Variants in RNF152 observed in about 807,000 individuals in gnomAD.
RNF152 encodes ring finger protein 152.
RNF152 carries 11 observed loss-of-function variants against 12.7 expected under a neutral mutation model. The ratio of observed to expected loss-of-function variants is 0.86; its 90% CI spans 0.54 to 1.43. RNF152 has a LOEUF of 1.43. RNF152 is among the 40% of genes most tolerant of loss of function. The probability of loss-of-function intolerance (pLI) is 0.00; values close to 1 mark genes in which losing one functional copy is unlikely to be tolerated. For synonymous variants in RNF152, 113 were observed against 120.3 expected (o/e 0.94, Z 0.40); for missense variants, 255 against 274.8 (o/e 0.93, Z 0.51).
intron 1 of RNF152, among the ~76,000 whole-genome samples, chr18:61,871,921 T>C (rs1200031753): frequency 6.6e-6 from 1 of 152,146 alleles, no homozygotes; most frequent in Non-Finnish European, 1.5e-5. Flanking sequence ...AAGGATCCTA[T>C]ATTAAGGGCA....
In RNF152 at chr18:61,872,610, C is replaced by T. The variant is rs191219117; in HGVS notation, c.-136+20185G>A. On this transcript the variant is annotated intron_variant, in intron 1 of 1. Coordinates refer to ENST00000312828, the MANE Select transcript of RNF152 (RefSeq NM_173557.3). ...ACCCAAAGTTAGGCCTCTTTCCCTTCTGGTTTGCCCTACATTTGAAAAGCA... is the reference window on the plus strand; with the variant it reads ...ACCCAAAGTTAGGCCTCTTTCCCTTTTGGTTTGCCCTACATTTGAAAAGCA... 2.0e-5 allele frequency among the ~76,000 whole-genome samples: 3 copies of T among 152,308 alleles called. No homozygotes were observed. The East Asian group carries it at 5.8e-4, about 29-fold the overall frequency.
intron 1 of RNF152, among the ~76,000 whole-genome samples, chr18:61,844,122 GAA>G (rs764619700): frequency 8.8e-6 from 1 of 113,630 alleles, no homozygotes; most frequent in Admixed American, 9.2e-5. Context: ...AAGAAAGAAA[GAA>G]AGAAAGAAAG....
intron 1 of RNF152, among the ~76,000 whole-genome samples, chr18:61,846,971 G>A (rs1278091125): frequency 6.6e-6 from 1 of 152,118 alleles, no homozygotes; most frequent in Non-Finnish European, 1.5e-5. Flanking sequence ...TTCTTCATGT[G>A]TAACTCAGGG....
intron 1 of RNF152, among the ~76,000 whole-genome samples, chr18:61,844,077 G>GGAAAGAAAGAAAGAAA (rs35978592): frequency 3.1e-4 from 21 of 68,500 alleles, no homozygotes; most frequent in Admixed American, 6.8e-4. Flanking sequence ...CAGAAAGAAA[G>GGAAAGAAAGAAAGAAA]GAAAGAAAGA....
At chr18:61,854,735 G>C (rs145993270) in intron 1 of RNF152, among the ~76,000 whole-genome samples, 6 of 152,292 alleles carry the variant, frequency 3.9e-5, no homozygotes, top group Non-Finnish European at 8.8e-5. Context: ...GCACATCAGG[G>C]AGAAAAGAAC....
At chr18:61,863,922 G>A (rs1268816660) in intron 1 of RNF152, among the ~76,000 whole-genome samples, 2 of 152,186 alleles carry the variant, frequency 1.3e-5, no homozygotes, top group African/African-American at 4.8e-5. Context: ...GTGAGCTCCC[G>A]CTCTAATCGG....
Position 61,813,186 on chromosome 18 carries a change from C to G in RNF152, c.*2666G>C, listed in dbSNP as rs543109828. On this transcript the variant is annotated 3_prime_UTR_variant, in exon 2 of 2. Coordinates refer to ENST00000312828, the MANE Select transcript of RNF152 (RefSeq NM_173557.3). ...GGTCATTGGTAAATGCCAGAAGAGG[C>G]CAGAGCAATGGGATGCCAAGCAACA... 1 of 151,770 alleles carries G rather than the reference C, an allele frequency of 6.6e-6. No homozygotes were observed. The highest frequency in any genetic ancestry group is 6.6e-5 in the Admixed American group (1 of 15,186). The allele number at this position is 151,770 out of a possible 1,614,324, so 9.4% of individuals were successfully genotyped here.
intron 1 of RNF152, among the ~76,000 whole-genome samples, chr18:61,831,946 G>A (rs1909973714): frequency 6.6e-6 from 1 of 151,636 alleles, no homozygotes; most frequent in South Asian, 2.1e-4. Context: ...TGTGTATAGG[G>A]GTGTGTGTCT....
chr18:61,860,161 A>G (rs1911401842), intron 1 of RNF152, among the ~76,000 whole-genome samples: 2 of 152,112 alleles, frequency 1.3e-5, no homozygotes, highest in African/African-American at 4.8e-5. Context: ...GGTTCTCCCC[A>G]TGGGTCTCAG....
In RNF152 at chr18:61,815,619, T is replaced by A. The variant is rs531628746; in HGVS notation, c.*233A>T. On this transcript the variant is annotated 3_prime_UTR_variant, in exon 2 of 2. Coordinates refer to ENST00000312828, the MANE Select transcript of RNF152 (RefSeq NM_173557.3). Reference sequence around the variant, plus strand: ...TTGAATACATGATTATGAGGATGCATGCAATCATCTTCCAAGCTGTTGCCA... The same window carrying A: ...TTGAATACATGATTATGAGGATGCAAGCAATCATCTTCCAAGCTGTTGCCA... 1.9e-6 allele frequency: 1 copy of A among 534,768 alleles called. No homozygotes were observed. The highest frequency in any genetic ancestry group is 3.1e-5 in the East Asian group (1 of 32,712). The allele number at this position is 534,768 out of a possible 1,614,324, so 33.1% of individuals were successfully genotyped here.
At position 61,812,460 on chromosome 18, in the gene RNF152, A is replaced by G. The variant is rs1433480958; in HGVS notation, c.*3392T>C. On this transcript the variant is annotated 3_prime_UTR_variant, in exon 2 of 2. Coordinates refer to ENST00000312828, the MANE Select transcript of RNF152 (RefSeq NM_173557.3). ...ATTCTATTTTTAAAGAAAACATCTT[A>G]GAGCTTTCTGATCATTAAGTATGAC... 6.6e-6 allele frequency: 1 copy of G among 152,226 alleles called. No homozygotes were observed. The highest frequency in any genetic ancestry group is 1.5e-5 in the Non-Finnish European group (1 of 68,032). The allele number at this position is 152,226 out of a possible 1,614,324, so 9.4% of individuals were successfully genotyped here.
intron 1 of RNF152, among the ~76,000 whole-genome samples, chr18:61,845,216 A>G (rs1406983059): frequency 2.0e-5 from 3 of 152,230 alleles, no homozygotes; most frequent in Admixed American, 1.3e-4. Context: ...CTCCCAAAGC[A>G]ATGGGATAAT....
intron 1 of RNF152, among the ~76,000 whole-genome samples, chr18:61,877,291 G>C (rs1912256257): frequency 6.6e-6 from 1 of 152,248 alleles, no homozygotes; most frequent in Non-Finnish European, 1.5e-5. Flanking sequence ...AATTTAGTCT[G>C]ATAAGCAAGT....
chr18:61,830,208 G>A (rs895373340), intron 1 of RNF152, among the ~76,000 whole-genome samples: 2 of 152,014 alleles, frequency 1.3e-5, no homozygotes, highest in Non-Finnish European at 2.9e-5. Flanking sequence ...ATATTTAGTA[G>A]AGATGGGGGT....
intron 1 of RNF152, among the ~76,000 whole-genome samples, chr18:61,869,825 A>C (rs547556989): frequency 6.6e-6 from 1 of 152,350 alleles, no homozygotes. Flanking sequence ...TTACCCACCA[A>C]CTTCCTCAGC....
chr18:61,864,206 T>C (rs1201240127), intron 1 of RNF152, among the ~76,000 whole-genome samples: 1 of 152,076 alleles, frequency 6.6e-6, no homozygotes, highest in African/African-American at 2.4e-5. Flanking sequence ...GCCCCACAAG[T>C]CTGCCCCCAT....
intron 1 of RNF152, among the ~76,000 whole-genome samples, chr18:61,841,556 T>C (rs1910455417): frequency 6.6e-6 from 1 of 152,234 alleles, no homozygotes. Context: ...AAGGCCACTC[T>C]TTCTAGTCTA....
At position 61,816,404 on chromosome 18, in the gene RNF152, G is replaced by T; in HGVS notation, c.60C>A (p.Ser20Arg). 2.5e-6 allele frequency: 4 copies of T among 1,613,928 alleles called. No individual in the cohort carries two copies. Among genetic ancestry groups the T allele is most frequent in the Non-Finnish European group, 3.4e-6 (4 of 1,179,928 alleles). The change falls in exon 2 of 2, where the codon AGC becomes AGA. Residue 20 changes from serine to arginine, a missense_variant. Ser to Arg is a moderately radical substitution (Grantham distance 110, BLOSUM62 -1). Coordinates refer to ENST00000312828, the MANE Select transcript of RNF152 (RefSeq NM_173557.3). ...CCAGCAACTTGGGCCTGCGCCGGGG[G>T]CTGTAGTAATTGAAACAGATCTGAC... The part of the protein sequence containing the change: ...LECQICFNYY[S>R]PRRRPKLLDC...
At chr18:61,819,538 C>T (rs1289398538) in intron 1 of RNF152, among the ~76,000 whole-genome samples, 3 of 152,100 alleles carry the variant, frequency 2.0e-5, no homozygotes. Context: ...CACAGAATTC[C>T]AGCAGGATCT....
Sources: gnomAD v4.1 joint callset for allele counts (sites outside exome capture counted in the v4.1 genomes callset) on GRCh38, gnomAD v4.1.1 for gene constraint, MANE v1.5 for transcripts, NCBI Gene and HGNC (gene_info 2026-07-23, HGNC 2026-07-21) for gene names.